The following KMT2C variants were observed in gnomAD, a reference collection of about 807,000 sequenced individuals.
KMT2C encodes lysine methyltransferase 2C.
KMT2C carries 88 observed loss-of-function variants against 507.9 expected under a neutral mutation model. The observed-to-expected ratio is 0.17, with a 90% CI of 0.15 to 0.21. The LOEUF is 0.21. Among genes scored for constraint, KMT2C ranks in the 10% least tolerant of loss-of-function variants. KMT2C has a pLI of 1.00. For missense variants in KMT2C, 4,954 were observed against 5,957.8 expected (o/e 0.83, Z 5.55); for synonymous variants, 2,049 against 2,080.8 (o/e 0.98, Z 0.42).
intron 2 of KMT2C, among the ~76,000 whole-genome samples, chr7:152,352,348 T>C (rs185663530): frequency 3.9e-5 from 6 of 152,330 alleles, no homozygotes; most frequent in African/African-American, 1.4e-4. Flanking sequence ...CCAATTTTAA[T>C]TTCGCCCTGG....
At chr7:152,435,413 C>T (rs1383169902) in intron 1 of KMT2C, among the ~76,000 whole-genome samples, 4 of 149,050 alleles carry the variant, frequency 2.7e-5, no homozygotes, top group Admixed American at 2.7e-4. Flanking sequence ...GGCGGGAGCC[C>T]GGGCGGGCGG....
chr7:152,242,516 C>T (rs2095405901), intron 14 of KMT2C, among the ~76,000 whole-genome samples: 1 of 152,048 alleles, frequency 6.6e-6, no homozygotes, highest in Non-Finnish European at 1.5e-5. Context: ...TCAAATACTA[C>T]AGAAACTAAA....
chr7:152,354,020 G>A (rs1396668612), intron 2 of KMT2C, among the ~76,000 whole-genome samples: 1 of 152,054 alleles, frequency 6.6e-6, no homozygotes, highest in East Asian at 1.9e-4. Context: ...TTCTTTCACT[G>A]TTCTCCTTGC....
chr7:152,337,910 G>A (rs1185599697), intron 2 of KMT2C, among the ~76,000 whole-genome samples: 5 of 151,056 alleles, frequency 3.3e-5, no homozygotes. Context: ...AGGCTGGAGT[G>A]CAGTGGCGCG....
chr7:152,140,352 A>G (rs1445148006), intron 55 of KMT2C, among the ~76,000 whole-genome samples: 1 of 152,084 alleles, frequency 6.6e-6, no homozygotes, highest in Non-Finnish European at 1.5e-5. Flanking sequence ...GGGAAGGTAA[A>G]TTTTTCACTA....
Position 152,424,053 on chromosome 7 carries a change from T to C in KMT2C, c.161+11573A>G, listed in dbSNP as rs1377371489. Among the ~76,000 whole-genome samples, 3 of 152,330 alleles carry C rather than the reference T, an allele frequency of 2.0e-5. No homozygotes were observed. In the East Asian group the frequency reaches 5.8e-4, roughly 29 times the overall value. ...AGGGTAAGGTTAAGGAGAAACTTCATTTAACTATTTCAGTAAAAGAGGATG... is the reference window on the plus strand; with the variant it reads ...AGGGTAAGGTTAAGGAGAAACTTCACTTAACTATTTCAGTAAAAGAGGATG... On this transcript the variant is annotated intron_variant, in intron 1 of 58. Transcript: ENST00000262189.
At chr7:152,250,020 T>A (rs2129165651) in intron 12 of KMT2C, 67 bp from the exon 13 acceptor site, 1 of 883,132 alleles carries the variant, frequency 1.1e-6, no homozygotes, top group Non-Finnish European at 1.9e-6. Flanking sequence ...CCCTCAACAG[T>A]AATTTGAGTA....
intron 1 of KMT2C, among the ~76,000 whole-genome samples, chr7:152,420,418 CATCCCT>C (rs1371885274): frequency 6.6e-6 from 1 of 152,214 alleles, no homozygotes; most frequent in African/African-American, 2.4e-5. Context: ...TTATCTGCAT[CATCCCT>C]ATCTCCAGTG....
At chr7:152,411,583 G>A (rs1406664122) in intron 1 of KMT2C, among the ~76,000 whole-genome samples, 7 of 152,208 alleles carry the variant, frequency 4.6e-5, no homozygotes, top group African/African-American at 7.2e-5. Context: ...TAGATCCGAC[G>A]TAAAGCAGGC....
At chr7:152,396,210 T>C (rs775049225) in intron 1 of KMT2C, among the ~76,000 whole-genome samples, 5 of 152,188 alleles carry the variant, frequency 3.3e-5, no homozygotes, top group Non-Finnish European at 5.9e-5. Context: ...TATTCTGTGT[T>C]TGGATTCTGA....
In KMT2C at chr7:152,162,974, C is replaced by T. The variant is rs2129104138; in HGVS notation, c.10603G>A (p.Gly3535Arg). 6.2e-7 allele frequency: 1 copy of T among 1,614,144 alleles called. No individual in the cohort carries two copies. Among genetic ancestry groups the T allele is most frequent in the Non-Finnish European group, 8.5e-7 (1 of 1,180,012 alleles). Residue 3535 changes from glycine to arginine, a missense_variant, in exon 43 of 59, where the codon GGA (glycine) becomes AGA (arginine). By Grantham distance (125) the Gly-to-Arg change is moderately radical. Transcript: ENST00000262189. ...GSPNFSSVKQ[G>R]HGNLSGTSFQ... ...CTGGTCCCAGAAAGATTTCCATGTC[C>T]CTGCTTCACAGAAGAAAAATTTGGG...
chr7:152,166,248 A>G (rs1246107752), intron 42 of KMT2C, among the ~76,000 whole-genome samples: 2 of 151,790 alleles, frequency 1.3e-5, no homozygotes, highest in Non-Finnish European at 2.9e-5. Flanking sequence ...CAGCCTCCCA[A>G]ATAGCTGGGA....
In KMT2C at chr7:152,163,537, T is replaced by C. The variant is rs536894778; in HGVS notation, c.10040A>G (p.Asn3347Ser). 1.6e-4 allele frequency: 260 copies of C among 1,611,390 alleles called. 1 individual carries two copies. In the South Asian group the frequency reaches 2.1e-3, roughly 13 times the overall value. ...PNSAPAHLPL[N>S]PPRIQPPIAQ... ...AATTGGGGGCTGAATTCTAGGAGGA[T>C]TGAGGGGCAGGTGGGCAGGAGCACT... The change falls in exon 43 of 59, where the codon AAT (asparagine) becomes AGT (serine). Residue 3347 changes from asparagine to serine, a missense_variant. Physicochemically the swap from Asn to Ser is conservative, Grantham distance 46 (BLOSUM62 1). Coordinates refer to ENST00000262189, the MANE Select transcript of KMT2C (RefSeq NM_170606.3).
chr7:152,143,252 T>C (rs1320368703), intron 55 of KMT2C, among the ~76,000 whole-genome samples: 1 of 152,114 alleles, frequency 6.6e-6, no homozygotes, highest in Non-Finnish European at 1.5e-5. Flanking sequence ...ACTCCACTCA[T>C]AATGTAAAAA....
At chr7:152,186,719 T>G (rs534201825) in intron 33 of KMT2C, among the ~76,000 whole-genome samples, 1 of 152,340 alleles carries the variant, frequency 6.6e-6, no homozygotes, top group African/African-American at 2.4e-5. Flanking sequence ...AAAACCGCAT[T>G]GCTTGCATAT....
intron 55 of KMT2C, among the ~76,000 whole-genome samples, chr7:152,142,839 T>C (rs551473917): frequency 8.5e-5 from 13 of 152,322 alleles, no homozygotes; most frequent in African/African-American, 1.2e-4. Context: ...AAATATAACA[T>C]GATTCCATTT....
In KMT2C at chr7:152,435,638, C is replaced by G. The variant is rs913978315; in HGVS notation, c.149G>C (p.Arg50Thr). Reference protein sequence around the residue: ...PRKDGASPFQRARKKPRSRGK... With the variant: ...PRKDGASPFQTARKKPRSRGK... Reference sequence around the variant, plus strand: ...GCACTCAACTTACTTCTTTCTGGCTCTCTGGAAAGGGGAAGCGCCATCTTT... The same window carrying G: ...GCACTCAACTTACTTCTTTCTGGCTGTCTGGAAAGGGGAAGCGCCATCTTT... Residue 50 changes from arginine (R) to threonine (T), a missense_variant, in exon 1 of 59, where the codon AGA becomes ACA. Arg to Thr is a moderately conservative substitution (Grantham distance 71). Transcript: ENST00000262189. 47 of 1,532,528 alleles carry G rather than the reference C, an allele frequency of 3.1e-5. No homozygotes were observed. The highest frequency in any genetic ancestry group is 4.3e-5 in the African/African-American group (3 of 70,274). 94.9% of individuals were successfully genotyped at this position (1,532,528 alleles called of 1,614,324 possible). A position where few individuals can be genotyped will look rare whatever the true frequency, so the allele number is the denominator to read the frequency against.
At chr7:152,226,076 T>C (rs929007741) in intron 18 of KMT2C, among the ~76,000 whole-genome samples, 1 of 151,944 alleles carries the variant, frequency 6.6e-6, no homozygotes, top group African/African-American at 2.4e-5. Context: ...GTCAACAAAA[T>C]CTAGCATTGA....
chr7:152,376,005 G>T (rs2097326484), intron 1 of KMT2C, among the ~76,000 whole-genome samples: 1 of 151,898 alleles, frequency 6.6e-6, no homozygotes, highest in Non-Finnish European at 1.5e-5. Flanking sequence ...TAGAGATGGG[G>T]TGTCACCATG....
Sources: gnomAD v4.1 joint callset for allele counts (sites outside exome capture counted in the v4.1 genomes callset) on GRCh38, gnomAD v4.1.1 for gene constraint, MANE v1.5 for transcripts, NCBI Gene and HGNC (gene_info 2026-07-23, HGNC 2026-07-21) for gene names.